The following GPC5 variants were observed in gnomAD, a reference collection of about 807,000 sequenced individuals.
GPC5 encodes the protein glypican 5, also known as glypican-5.
Under a neutral mutation model 53.9 loss-of-function variants are expected in GPC5, and 47 were observed. The ratio of observed to expected loss-of-function variants is 0.87; its 90% CI spans 0.69 to 1.11. The LOEUF (loss-of-function observed/expected upper bound fraction) is 1.11, where lower values mean the gene tolerates loss of function less well. GPC5 is among the 50% of genes most tolerant of loss of function. GPC5 has a pLI of 0.00. For synonymous variants in GPC5, 286 were observed against 263.3 expected (o/e 1.09, Z -0.84); for missense variants, 748 against 713.1 (o/e 1.05, Z -0.56).
At chr13:92,138,673 G>T (rs1434151191) in intron 6 of GPC5, among the ~76,000 whole-genome samples, 2 of 152,176 alleles carry the variant, frequency 1.3e-5, no homozygotes, top group African/African-American at 4.8e-5. Flanking sequence ...GTTGGGAAGG[G>T]CTCCTCTTTG....
intron 7 of GPC5, among the ~76,000 whole-genome samples, chr13:92,806,360 C>T (rs970825275): frequency 3.9e-5 from 6 of 152,048 alleles, no homozygotes; most frequent in Non-Finnish European, 7.4e-5. Context: ...ATCCAGACTA[C>T]CCGACGTTTT....
intron 7 of GPC5, among the ~76,000 whole-genome samples, chr13:92,789,861 A>C (rs1292367463): frequency 1.3e-5 from 2 of 152,146 alleles, no homozygotes; most frequent in African/African-American, 2.4e-5. Flanking sequence ...GCTGAGGAGC[A>C]GGGAAGCCAG....
intron 7 of GPC5, among the ~76,000 whole-genome samples, chr13:92,279,185 C>T (rs941175512): frequency 2.6e-5 from 4 of 151,920 alleles, no homozygotes; most frequent in Non-Finnish European, 5.9e-5. Context: ...TTTGGGCCTT[C>T]TTTAATTTCT....
intron 6 of GPC5, among the ~76,000 whole-genome samples, chr13:92,101,560 G>T (rs1156714074): frequency 6.6e-6 from 1 of 152,174 alleles, no homozygotes; most frequent in African/African-American, 2.4e-5. Context: ...TGGAGGAAAT[G>T]AATTTAAATT....
At chr13:92,474,918 T>A (rs1879047222) in intron 7 of GPC5, among the ~76,000 whole-genome samples, 1 of 152,118 alleles carries the variant, frequency 6.6e-6, no homozygotes, top group South Asian at 2.1e-4. Context: ...ATACGGTGAT[T>A]ACAGAACAGT....
intron 6 of GPC5, among the ~76,000 whole-genome samples, chr13:91,961,492 T>C (rs1047432165): frequency 2.6e-5 from 4 of 151,848 alleles, no homozygotes; most frequent in African/African-American, 9.7e-5. Context: ...AGAGTGTAAA[T>C]ACGTGTAAAC....
intron 6 of GPC5, among the ~76,000 whole-genome samples, chr13:92,053,331 C>T (rs892361992): frequency 2.0e-5 from 3 of 152,194 alleles, no homozygotes; most frequent in African/African-American, 7.2e-5. Context: ...GTTGACCTCT[C>T]TCTGTGACCA....
chr13:92,393,905 A>C (rs1875138754), intron 7 of GPC5, among the ~76,000 whole-genome samples: 1 of 151,780 alleles, frequency 6.6e-6, no homozygotes, highest in Admixed American at 6.6e-5. Flanking sequence ...AAAATTTATT[A>C]TTTTCCTTGA....
chr13:91,582,470 T>C lies in GPC5; in HGVS notation c.326-110717T>C, dbSNP rs190134851. Among the ~76,000 whole-genome samples, 39 of 152,010 alleles carry C rather than the reference T, an allele frequency of 2.6e-4. No individual in the cohort carries two copies. The East Asian group carries it at 6.2e-3, about 24-fold the overall frequency. On this transcript the variant is annotated intron_variant, in intron 2 of 7. Transcript: ENST00000377067. ...GACATGAGAACACTTGAAAACATGATAGAAAACTAAAGAAACAAAAGATAG... is the reference window on the plus strand; with the variant it reads ...GACATGAGAACACTTGAAAACATGACAGAAAACTAAAGAAACAAAAGATAG...
Position 91,878,504 on chromosome 13 carries a change from T to C in GPC5, c.1281-29433T>C, listed in dbSNP as rs573655495. 1.2e-4 allele frequency among the ~76,000 whole-genome samples: 18 copies of C among 152,248 alleles called. No homozygotes were observed. The South Asian group carries it at 3.7e-3, about 32-fold the overall frequency. ...TTATACATAAGATAATTGAGTGATA[T>C]GGTTTGGCTGCGTCTCCCACCCAAA... On this transcript the variant is annotated intron_variant, in intron 5 of 7. Coordinates refer to ENST00000377067, the MANE Select transcript of GPC5 (RefSeq NM_004466.6).
At chr13:91,482,897 A>C (rs1883384735) in intron 2 of GPC5, among the ~76,000 whole-genome samples, 1 of 150,944 alleles carries the variant, frequency 6.6e-6, no homozygotes, top group Non-Finnish European at 1.5e-5. Context: ...CATTATTGGC[A>C]GCTCTATAAA....
chr13:92,341,232 G>A (rs1002417049), intron 7 of GPC5, among the ~76,000 whole-genome samples: 4 of 152,142 alleles, frequency 2.6e-5, no homozygotes, highest in Middle Eastern at 3.4e-3. Flanking sequence ...AGGACTTCTA[G>A]AGGCTTTACT....
At chr13:91,921,189 G>A (rs1371955968) in intron 6 of GPC5, among the ~76,000 whole-genome samples, 1 of 151,784 alleles carries the variant, frequency 6.6e-6, no homozygotes, top group Non-Finnish European at 1.5e-5. Flanking sequence ...CATCTGCCTC[G>A]GCCTCCCAGA....
chr13:91,785,861 C>T (rs748147388), intron 5 of GPC5, among the ~76,000 whole-genome samples: 14 of 152,182 alleles, frequency 9.2e-5, no homozygotes, highest in Non-Finnish European at 1.9e-4. Context: ...GATTTCTGAA[C>T]TTATGCTGAG....
chr13:91,566,039 CCACACAGTAATCCAGCAT>C (rs1374703017), intron 2 of GPC5, among the ~76,000 whole-genome samples: 2 of 151,960 alleles, frequency 1.3e-5, no homozygotes, highest in Non-Finnish European at 2.9e-5. Flanking sequence ...GATTTAGGGC[CCACACAGTAATCCAGCAT>C]CATCTCGTCT....
chr13:92,749,530 AAT>A (rs1382304704), intron 7 of GPC5, among the ~76,000 whole-genome samples: 6 of 152,164 alleles, frequency 3.9e-5, no homozygotes, highest in Non-Finnish European at 7.4e-5. Flanking sequence ...GAATTAAATG[AAT>A]ATATCATTTA....
intron 7 of GPC5, among the ~76,000 whole-genome samples, chr13:92,417,647 T>C (rs1029487716): frequency 3.9e-5 from 6 of 152,176 alleles, no homozygotes; most frequent in African/African-American, 1.2e-4. Context: ...AACAGGCAGG[T>C]GGATCTCTTG....
chr13:92,548,978 T>G (rs2139013172), intron 7 of GPC5, among the ~76,000 whole-genome samples: 1 of 152,218 alleles, frequency 6.6e-6, no homozygotes, highest in African/African-American at 2.4e-5. Context: ...ATACATGAAG[T>G]TTAGAGATAA....
At chr13:92,416,379 TC>T (rs753487008) in intron 7 of GPC5, among the ~76,000 whole-genome samples, 44 of 152,290 alleles carry the variant, frequency 2.9e-4, no homozygotes, top group Non-Finnish European at 4.9e-4. Flanking sequence ...AGGTCAGAAC[TC>T]TACCTACTTG....
Sources: allele counts gnomAD v4.1 joint callset (sites outside exome capture counted in the v4.1 genomes callset), GRCh38; gene constraint gnomAD v4.1.1; transcripts MANE v1.5; gene names NCBI Gene and HGNC (gene_info 2026-07-23, HGNC 2026-07-21).